Variants in SOX6 observed in about 807,000 individuals in gnomAD.
The protein encoded by SOX6 is transcription factor SOX-6.
Under a neutral mutation model 97.8 loss-of-function variants are expected in SOX6, and 11 were observed. That is an observed-to-expected ratio of 0.11 (90% CI 0.07 to 0.19). The LOEUF (loss-of-function observed/expected upper bound fraction) is 0.19, where lower values mean the gene tolerates loss of function less well. Ranked by LOEUF, SOX6 falls within the 10% of genes least tolerant of loss-of-function variation. The pLI is 1.00. For synonymous variants in SOX6, 360 were observed against 371.4 expected, an observed-to-expected ratio of 0.97 and a Z score of 0.35; for missense variants, 810 against 1,039.5, an observed-to-expected ratio of 0.78 and a Z score of 3.04.
upstream of SOX6, among the ~76,000 whole-genome samples, chr11:16,480,559 A>C (rs1708110471): frequency 6.6e-6 from 1 of 152,134 alleles, no homozygotes; most frequent in South Asian, 2.1e-4. Flanking sequence ...CTCCCTGTAT[A>C]ATTAGACTTT....
intron 1 of SOX6, among the ~76,000 whole-genome samples, chr11:16,417,861 A>G (rs1273886073): frequency 4.6e-5 from 7 of 152,226 alleles, no homozygotes; most frequent in Non-Finnish European, 4.4e-5. Context: ...ATAATTTTAA[A>G]GTGCTTTGTC....
chr11:16,701,092 T>C (rs1366597106), intron 3 of SOX6, among the ~76,000 whole-genome samples: 2 of 152,258 alleles, frequency 1.3e-5, no homozygotes, highest in Admixed American at 6.5e-5. Flanking sequence ...TGTCAATAGT[T>C]GGTCTTCTTA....
chr11:16,426,016 G>A (rs1480273831), intron 1 of SOX6, among the ~76,000 whole-genome samples: 2 of 151,748 alleles, frequency 1.3e-5, no homozygotes, highest in Non-Finnish European at 2.9e-5. Flanking sequence ...CAGCACTTTG[G>A]GAGGCCGAGA....
intron 3 of SOX6, among the ~76,000 whole-genome samples, chr11:16,692,462 A>C (rs1168823385): frequency 6.6e-6 from 1 of 152,076 alleles, no homozygotes; most frequent in South Asian, 2.1e-4. Flanking sequence ...ACCTCCTAAG[A>C]AGCTCTTCCT....
At chr11:16,120,561 CATATAT>C (rs71455877) in intron 6 of SOX6, among the ~76,000 whole-genome samples, 1 of 145,046 alleles carries the variant, frequency 6.9e-6, no homozygotes, top group African/African-American at 2.5e-5. Flanking sequence ...GCTAACTTCA[CATATAT>C]ATATATATAT....
chr11:16,321,679 A>T (rs117156479), intron 2 of SOX6, among the ~76,000 whole-genome samples: 1 of 152,070 alleles, frequency 6.6e-6, no homozygotes, highest in Non-Finnish European at 1.5e-5. Context: ...GTGGCTCAAC[A>T]CTACCAAGCA....
chr11:16,557,905 T>C (rs1306529833), intron 4 of SOX6, among the ~76,000 whole-genome samples: 2 of 151,870 alleles, frequency 1.3e-5, no homozygotes, highest in East Asian at 3.9e-4. Context: ...TAATGGCTTA[T>C]AAAGGCCAAC....
intron 1 of SOX6, among the ~76,000 whole-genome samples, chr11:16,468,003 T>C (rs778763624): frequency 3.3e-5 from 5 of 152,234 alleles, no homozygotes; most frequent in Non-Finnish European, 5.9e-5. Context: ...TACTGGAAGA[T>C]GATTAAGCTT....
At chr11:16,548,156 T>C (rs750509964) in intron 4 of SOX6, among the ~76,000 whole-genome samples, 3 of 152,144 alleles carry the variant, frequency 2.0e-5, no homozygotes, top group Non-Finnish European at 4.4e-5. Context: ...AAACTGCCAA[T>C]TTAGAATCCG....
At chr11:16,248,040 G>T (rs1471852712) in intron 3 of SOX6, among the ~76,000 whole-genome samples, 1 of 152,096 alleles carries the variant, frequency 6.6e-6, no homozygotes, top group African/African-American at 2.4e-5. Flanking sequence ...AAACAAAGGG[G>T]TTACAGGCCC....
At chr11:16,123,921 T>C (rs1183529642) in intron 6 of SOX6, among the ~76,000 whole-genome samples, 1 of 152,116 alleles carries the variant, frequency 6.6e-6, no homozygotes, top group Non-Finnish European at 1.5e-5. Context: ...AACATACCCC[T>C]GACTCCTCTT....
intron 6 of SOX6, among the ~76,000 whole-genome samples, chr11:16,179,497 C>T (rs924944136): frequency 2.0e-5 from 3 of 151,828 alleles, no homozygotes; most frequent in Non-Finnish European, 4.4e-5. Context: ...TGTATTTCAA[C>T]ATTTAAAAGA....
intron 4 of SOX6, among the ~76,000 whole-genome samples, chr11:16,215,592 C>T (rs6486281): frequency 1.2e-4 from 19 of 152,088 alleles, no homozygotes; most frequent in African/African-American, 4.1e-4. Flanking sequence ...TTCACTGTTG[C>T]GTTGTAGATC....
At chr11:16,151,584 G>A (rs867498118) in intron 6 of SOX6, among the ~76,000 whole-genome samples, 2 of 151,952 alleles carry the variant, frequency 1.3e-5, no homozygotes, top group South Asian at 2.1e-4. Flanking sequence ...CATTTTGTTT[G>A]GGAGAGTTTC....
intron 12 of SOX6, among the ~76,000 whole-genome samples, chr11:16,029,631 G>A (rs865920857): frequency 2.0e-5 from 3 of 147,648 alleles, no homozygotes; most frequent in African/African-American, 5.0e-5. Context: ...GCAAGACTCC[G>A]TCTCAAAAAA....
rs149530343 is a variant in SOX6, at chr11:16,710,443, T to C, written n.429+4387A>G. Among the ~76,000 whole-genome samples the C allele has an allele frequency of 7.7e-3, 1,169 of 152,296 alleles. 14 individuals are homozygous for C. The highest frequency in any genetic ancestry group is 0.027 in the African/African-American group (1,115 of 41,564). ...GACGAGCCAGAACTCAAATCAAACA[T>C]TGCCAAGTCCAATGGCCATTTCTCT... On this transcript the variant is annotated intron_variant and non_coding_transcript_variant, in intron 3 of 5. Coordinates refer to the SOX6 transcript ENST00000524520.
At chr11:16,088,014 C>A (rs1197104027) in intron 9 of SOX6, among the ~76,000 whole-genome samples, 1 of 151,934 alleles carries the variant, frequency 6.6e-6, no homozygotes, top group Non-Finnish European at 1.5e-5. Flanking sequence ...GGAAAGTTGC[C>A]CTCAGCTGAA....
chr11:16,074,263 A>C lies in SOX6; in HGVS notation c.1102-18362T>G, dbSNP rs988663649. 2.0e-5 allele frequency among the ~76,000 whole-genome samples: 3 copies of C among 152,286 alleles called. No individual in the cohort carries two copies. The South Asian group carries it at 6.2e-4, about 32-fold the overall frequency. Reference sequence around the variant, plus strand: ...AATTAGAAATTACAAAGGGGACACTACCACTGATGATACAAAATAGAGAAA... The same window carrying C: ...AATTAGAAATTACAAAGGGGACACTCCCACTGATGATACAAAATAGAGAAA... On this transcript the variant is annotated intron_variant, in intron 9 of 15. Coordinates refer to ENST00000683767, the MANE Select transcript of SOX6 (RefSeq NM_001367873.1).
At chr11:16,528,312 T>G (rs1861196274) in intron 4 of SOX6, among the ~76,000 whole-genome samples, 1 of 152,164 alleles carries the variant, frequency 6.6e-6, no homozygotes, top group Admixed American at 6.6e-5. Context: ...GTGTTTTACA[T>G]AAGTTATCTC....
Sources: allele counts gnomAD v4.1 joint callset (sites outside exome capture counted in the v4.1 genomes callset), GRCh38; gene constraint gnomAD v4.1.1; transcripts MANE v1.5; gene names NCBI Gene and HGNC (gene_info 2026-07-23, HGNC 2026-07-21).